Variants in FNBP1 observed in about 807,000 individuals in gnomAD.
FNBP1 encodes the protein formin binding protein 1, also known as formin-binding protein 1.
A neutral mutation model predicts 90.6 loss-of-function variants in FNBP1; 26 were observed. The ratio of observed to expected loss-of-function variants is 0.29; its 90% CI spans 0.21 to 0.40. The LOEUF is 0.40. Among genes scored for constraint, FNBP1 ranks in the 10% least tolerant of loss-of-function variants. FNBP1 has a pLI of 1.00. For synonymous variants in FNBP1, 260 were observed against 265.2 expected (o/e 0.98, Z 0.19); for missense variants, 635 against 768.0 (o/e 0.83, Z 2.05).
chr9:130,005,093 G>T (rs1589214195), intron 1 of FNBP1, among the ~76,000 whole-genome samples: 1 of 147,244 alleles, frequency 6.8e-6, no homozygotes. Context: ...AAAAAAGGCT[G>T]GGCATGATGG....
In FNBP1 at chr9:129,923,890, A is replaced by G; in HGVS notation, c.1124T>C (p.Met375Thr). The G allele has an allele frequency of 6.3e-7, 1 of 1,585,948 alleles. No individual in the cohort carries two copies. The highest frequency in any genetic ancestry group is 8.6e-7 in the Non-Finnish European group (1 of 1,165,078). The part of the protein sequence containing the change: ...EPLSHRFNEF[M>T]TSKPKIHCFR... ...GCAGTGGATTTTGGGTTTGGAGGTC[A>G]TGAACTCGTTGAAGCGATGGGAGAG... Residue 375 changes from methionine to threonine, a missense_variant, in exon 10 of 17, where the codon ATG becomes ACG. Met to Thr is a moderately conservative substitution (Grantham distance 81). Coordinates refer to ENST00000446176, the MANE Select transcript of FNBP1 (RefSeq NM_015033.3).
rs376800546 is a variant in FNBP1 at position 129,934,938 on chromosome 9, A to G, written c.514-5243T>C. 4.1e-4 allele frequency among the ~76,000 whole-genome samples: 62 copies of G among 152,242 alleles called. 2 individuals are homozygous for G. In the South Asian group the frequency reaches 0.012, roughly 31 times the overall value. On this transcript the variant is annotated intron_variant, in intron 6 of 16. Transcript: ENST00000446176. ...CTCAATATCATTATGGAACTAAGCC[A>G]TACTGCCTAAAAGGTCAGAGTTGCA...
At chr9:129,935,826 C>G (rs2043357919) in intron 6 of FNBP1, among the ~76,000 whole-genome samples, 1 of 152,082 alleles carries the variant, frequency 6.6e-6, no homozygotes, top group African/African-American at 2.4e-5. Context: ...GGCTTTTGAC[C>G]TTTTAACTAG....
rs768305485 is a variant in FNBP1, at chr9:129,966,009, T to G, written c.346-7456A>C. Among the ~76,000 whole-genome samples, 3 of 152,170 alleles carry G rather than the reference T, an allele frequency of 2.0e-5. No individual in the cohort carries two copies. The highest frequency in any genetic ancestry group is 6.5e-5 in the Admixed American group (1 of 15,272). On this transcript the variant is annotated intron_variant, in intron 4 of 16. Transcript: ENST00000446176. This position sits in a 1 kb window ranked among gnomAD's most constrained non-coding sequence, Gnocchi z 4.3. The stretch of plus-strand genomic sequence containing the variant: ...ATAGAGTGCCAGGGTGATCATCCCA[T>G]GCTCACTGACATGCCCACTTGTGAA...
intron 2 of FNBP1, among the ~76,000 whole-genome samples, chr9:129,981,663 G>C (rs1296269059): frequency 6.6e-6 from 1 of 151,862 alleles, no homozygotes; most frequent in East Asian, 1.9e-4. Flanking sequence ...AAAGGGCATT[G>C]CTCTGGGAAT....
In FNBP1 at chr9:129,925,166, A is replaced by C; in HGVS notation, c.790-9T>G. On this transcript the variant is annotated splice_polypyrimidine_tract_variant and intron_variant, in intron 8 of 16. Coordinates refer to ENST00000446176, the MANE Select transcript of FNBP1 (RefSeq NM_015033.3). Reference sequence around the variant, plus strand: ...ATTACCAGCTGTGAATCCTGAAATTATACCCACAAGCATATAAATACATTC... The same window carrying C: ...ATTACCAGCTGTGAATCCTGAAATTCTACCCACAAGCATATAAATACATTC... 1 of 1,605,328 alleles carries C rather than the reference A, an allele frequency of 6.2e-7. No homozygotes were observed. Among genetic ancestry groups the C allele is most frequent in the Non-Finnish European group, 8.5e-7 (1 of 1,173,220 alleles).
At chr9:130,008,131 G>C (rs2056060301) in intron 1 of FNBP1, among the ~76,000 whole-genome samples, 1 of 150,810 alleles carries the variant, frequency 6.6e-6, no homozygotes, top group Non-Finnish European at 1.5e-5. Context: ...GATCACTTGA[G>C]CCCAGGAGTT....
At position 129,957,544 on chromosome 9, in the gene FNBP1, A is replaced by G; in HGVS notation, c.409-80T>C. On this transcript the variant is annotated intron_variant, in intron 5 of 16. Transcript: ENST00000446176. This position sits in a 1 kb window ranked among gnomAD's most constrained non-coding sequence, Gnocchi z 4.3. ...ATTTTATCTAAAGCTCCCAAAGAGC[A>G]TTGTTCTTTTTCTTTTTTTTTTCTT... The G allele has an allele frequency of 1.8e-6, 2 of 1,110,974 alleles. No individual in the cohort carries two copies. 68.8% of individuals were successfully genotyped at this position (1,110,974 alleles called of 1,614,324 possible).
rs756342214 is a variant in FNBP1, at chr9:129,914,757, CTATA to C, written c.1185+1205_1185+1208del. On this transcript the variant is annotated intron_variant, in intron 11 of 16. Transcript: ENST00000446176. The stretch of plus-strand genomic sequence containing the variant: ...AAATTATGTATATACATACATATGT[CTATA>C]TATATATATATATATATATATATAT... 5.0e-3 allele frequency among the ~76,000 whole-genome samples: 545 copies of C among 109,970 alleles called. 8 individuals are homozygous for C. The highest frequency in any genetic ancestry group is 7.8e-3 in the African/African-American group (209 of 26,942). 72.1% of individuals were successfully genotyped at this position (109,970 alleles called of 152,430 possible).
At chr9:129,904,475 G>A (rs187627013) in intron 12 of FNBP1, among the ~76,000 whole-genome samples, 354 of 152,304 alleles carry the variant, frequency 2.3e-3, no homozygotes, top group African/African-American at 6.6e-3. Context: ...GGCCAACTTT[G>A]ATGAGTGTCA....
rs1258924664 is a variant in FNBP1 at position 130,042,134 on chromosome 9, G to A, written c.24+818C>T. 2.0e-5 allele frequency among the ~76,000 whole-genome samples: 3 copies of A among 151,978 alleles called. No individual in the cohort carries two copies. ...TTCCGGGGACGGCCCTCAGCCCTGA[G>A]GGCTGCCCGTTTACCGTGCGCATCC... On this transcript the variant is annotated intron_variant, in intron 1 of 16. Coordinates refer to ENST00000446176, the MANE Select transcript of FNBP1 (RefSeq NM_015033.3). The surrounding 1 kb of genome is among the most constrained non-coding windows in gnomAD (Gnocchi z 5.5).
intron 15 of FNBP1, among the ~76,000 whole-genome samples, chr9:129,897,730 ACTGAGC>A (rs2036038704): frequency 6.6e-6 from 1 of 152,138 alleles, no homozygotes; most frequent in African/African-American, 2.4e-5. Flanking sequence ...GGTGTGAGCC[ACTGAGC>A]CTGGCCTGAG....
At chr9:129,912,415 G>A (rs545154755) in intron 11 of FNBP1, among the ~76,000 whole-genome samples, 1 of 152,282 alleles carries the variant, frequency 6.6e-6, no homozygotes, top group East Asian at 1.9e-4. Flanking sequence ...TAGGCCAGGC[G>A]CGGTAGCTCA....
chr9:130,007,443 T>C (rs1020611417), intron 1 of FNBP1, among the ~76,000 whole-genome samples: 1 of 151,974 alleles, frequency 6.6e-6, no homozygotes, highest in Non-Finnish European at 1.5e-5. Flanking sequence ...GAGCCAAATG[T>C]GTTCTGAAAT....
Position 129,890,255 on chromosome 9 carries a change from T to G in FNBP1, c.*284A>C. ...AGGAAGGAGCAGGTAGGGGCGTGTG[T>G]CCCACCGTCTCAGTGGCCTGCGCGG... On this transcript the variant is annotated 3_prime_UTR_variant, in exon 17 of 17. Transcript: ENST00000446176. The surrounding 1 kb of genome is among the most constrained non-coding windows in gnomAD (Gnocchi z 5.8). 1.9e-6 allele frequency: 1 copy of G among 515,422 alleles called. No individual in the cohort carries two copies. 31.9% of individuals were successfully genotyped at this position (515,422 alleles called of 1,614,324 possible).
Position 129,887,661 on chromosome 9 carries a change from A to G in FNBP1, c.*2878T>C, listed in dbSNP as rs528764428. ...GATAAAAACCCCCAAGGAACAGCCCATGACAACCTTCTGTGCCTTTTTATA... is the reference window on the plus strand; with the variant it reads ...GATAAAAACCCCCAAGGAACAGCCCGTGACAACCTTCTGTGCCTTTTTATA... On this transcript the variant is annotated 3_prime_UTR_variant, in exon 17 of 17. Transcript: ENST00000446176. 218 of 219,678 alleles carry G rather than the reference A, an allele frequency of 9.9e-4. 1 individual carries two copies. The highest frequency in any genetic ancestry group is 4.5e-3 in the African/African-American group (200 of 44,686). 13.6% of individuals were successfully genotyped at this position (219,678 alleles called of 1,614,324 possible).
At chr9:129,946,538 A>G (rs964530846) in intron 6 of FNBP1, among the ~76,000 whole-genome samples, 2 of 152,234 alleles carry the variant, frequency 1.3e-5, no homozygotes, top group Non-Finnish European at 2.9e-5. Flanking sequence ...ATTAATTGCA[A>G]TGAATTAGAA....
rs1168378738 is a variant in FNBP1 at position 129,966,474 on chromosome 9, A to G, written c.346-7921T>C. On this transcript the variant is annotated intron_variant, in intron 4 of 16. Coordinates refer to ENST00000446176, the MANE Select transcript of FNBP1 (RefSeq NM_015033.3). This position sits in a 1 kb window ranked among gnomAD's most constrained non-coding sequence, Gnocchi z 4.3. ...CCGGATGCAGTGGCTCACGCCTGTA[A>G]TCCCAGCACTTTGGGAGGTCGAGAT... is the stretch of plus-strand genomic sequence containing the variant. Among the ~76,000 whole-genome samples, 1 of 152,168 alleles carries G rather than the reference A, an allele frequency of 6.6e-6. No individual in the cohort carries two copies. The highest frequency in any genetic ancestry group is 1.5e-5 in the Non-Finnish European group (1 of 68,032).
At chr9:130,029,029 T>A (rs2058586712) in intron 1 of FNBP1, among the ~76,000 whole-genome samples, 1 of 152,228 alleles carries the variant, frequency 6.6e-6, no homozygotes, top group Non-Finnish European at 1.5e-5. Flanking sequence ...GCATTTATCA[T>A]TATCTGACAC....
Sources: gnomAD v4.1 joint callset for allele counts (sites outside exome capture counted in the v4.1 genomes callset) on GRCh38, gnomAD v4.1.1 for gene constraint, Gnocchi (gnomAD v3.1) non-coding constraint, MANE v1.5 for transcripts, NCBI Gene and HGNC (gene_info 2026-07-23, HGNC 2026-07-21) for gene names.